The following TBCD variants were observed in gnomAD, a reference collection of about 807,000 sequenced individuals.
TBCD encodes tubulin-specific chaperone D.
TBCD carries 105 observed loss-of-function variants against 169.3 expected under a neutral mutation model. The ratio of observed to expected loss-of-function variants is 0.62; its 90% confidence interval spans 0.53 to 0.73. TBCD has a LOEUF of 0.73. Among genes scored for constraint, TBCD ranks in the 30% least tolerant of loss-of-function variants. The pLI is 0.00. For missense variants in TBCD, 1,444 were observed against 1,600.1 expected (o/e 0.90, Z 1.66); for synonymous variants, 700 against 643.9 (o/e 1.09, Z -1.32).
chr17:82,886,081 G>A (rs1173141338), intron 15 of TBCD: 5 of 152,264 alleles, frequency 3.3e-5, no homozygotes, highest in African/African-American at 4.8e-5. Flanking sequence ...AGCAAAAGGC[G>A]TTGAAGTCCT....
chr17:82,843,716 T>G (rs952222498), intron 13 of TBCD, among the ~76,000 whole-genome samples: 1 of 152,194 alleles, frequency 6.6e-6, no homozygotes. Flanking sequence ...CATATTCTTA[T>G]TAGTTTATGA....
rs145008362 is a variant in TBCD, at chr17:82,930,415, C to T, written c.2992-107C>T. 2,510 of 1,469,034 alleles carry T rather than the reference C, an allele frequency of 1.7e-3. 8 individuals are homozygous for T. Among genetic ancestry groups the T allele is most frequent in the Non-Finnish European group, 2.2e-3 (2,379 of 1,105,218 alleles). 91.0% of individuals were successfully genotyped at this position (1,469,034 alleles called of 1,614,324 possible). ...GGGCCAGACCTTCGCGTCTCTGCAG[C>T]TCGGAGCAGTTCTGCTCTTCAGCAG... is the stretch of plus-strand genomic sequence containing the variant. On this transcript the variant is annotated intron_variant, in intron 32 of 38. Transcript: ENST00000355528. The surrounding 1 kb of genome is among the most constrained non-coding windows in gnomAD (Gnocchi z 5.2).
intron 28 of TBCD, 158 bp from the exon 29 acceptor site, chr17:82,927,028 A>G (rs2061817428): frequency 9.9e-7 from 1 of 1,013,982 alleles, no homozygotes; most frequent in Non-Finnish European, 1.4e-6. Context: ...CCCACGTTCC[A>G]TACATGTGGA....
At chr17:82,775,003 G>A (rs1004338235) in intron 6 of TBCD, among the ~76,000 whole-genome samples, 11 of 152,266 alleles carry the variant, frequency 7.2e-5, no homozygotes, top group Non-Finnish European at 1.5e-4. Flanking sequence ...TGAGGGTTGC[G>A]TAGATTTTTG....
rs550447556 is a variant in TBCD, at chr17:82,831,198, G to A, written c.1318+16264G>A. 2.5e-6 allele frequency: 4 copies of A among 1,614,164 alleles called. 1 individual carries two copies. In the Admixed American group the frequency reaches 6.7e-5, roughly 27 times the overall value. On this transcript the variant is annotated intron_variant, in intron 13 of 38. Coordinates refer to ENST00000355528, the MANE Select transcript of TBCD (RefSeq NM_005993.5). The surrounding 1 kb of genome is among the most constrained non-coding windows in gnomAD (Gnocchi z 4.6). ...CGCAGGTCTGGCTCGTCTGCATGAA[G>A]TCGGTGGGGCTCGGCCTCCCTGGGG... is the stretch of plus-strand genomic sequence containing the variant.
rs757885496 is a variant in TBCD, at chr17:82,874,640, C to G, written c.1475+4260C>G. Among the ~76,000 whole-genome samples the G allele has an allele frequency of 3.1e-4, 47 of 152,298 alleles. No individual in the cohort carries two copies. Among genetic ancestry groups the G allele is most frequent in the Non-Finnish European group, 5.7e-4 (39 of 68,012 alleles). On this transcript the variant is annotated intron_variant, in intron 14 of 38. Coordinates refer to ENST00000355528, the MANE Select transcript of TBCD (RefSeq NM_005993.5). The surrounding 1 kb of genome is among the most constrained non-coding windows in gnomAD (Gnocchi z 5.0). ...CCAACGGGTTCTTAGAGAACCTGGG[C>G]CCCATCCCTCCTTGGCCCACGCAGA... is the stretch of plus-strand genomic sequence containing the variant.
chr17:82,763,081 G>A (rs1480785868), intron 2 of TBCD, among the ~76,000 whole-genome samples: 1 of 152,168 alleles, frequency 6.6e-6, no homozygotes, highest in Non-Finnish European at 1.5e-5. Flanking sequence ...TAAGGTGGGT[G>A]ATAGTGCTGT....
intron 9 of TBCD, among the ~76,000 whole-genome samples, chr17:82,804,693 C>T (rs1428968708): frequency 4.6e-5 from 7 of 152,174 alleles, no homozygotes; most frequent in African/African-American, 9.7e-5. Flanking sequence ...GGCTGAGAGG[C>T]GGGTGGAAAC....
At position 82,915,204 on chromosome 17, in the gene TBCD, C is replaced by T. The variant is rs1054968080; in HGVS notation, c.2038+3415C>T. On this transcript the variant is annotated intron_variant, in intron 23 of 38. Coordinates refer to ENST00000355528, the MANE Select transcript of TBCD (RefSeq NM_005993.5). The surrounding 1 kb of genome is among the most constrained non-coding windows in gnomAD (Gnocchi z 4.3). ...ATGGCGCCCTTACCCCCGAGGACGC[C>T]GGCATGTCGGTGACATGCCGCCCGC... Among the ~76,000 whole-genome samples the T allele has an allele frequency of 1.5e-4, 23 of 152,090 alleles. No individual in the cohort carries two copies. Among genetic ancestry groups the T allele is most frequent in the African/African-American group, 5.1e-4 (21 of 41,410 alleles).
chr17:82,819,948 G>A lies in TBCD; in HGVS notation c.1318+5014G>A, dbSNP rs1433332350. Among the ~76,000 whole-genome samples, 4 of 151,890 alleles carry A rather than the reference G, an allele frequency of 2.6e-5. No homozygotes were observed. The East Asian group carries it at 5.8e-4, about 22-fold the overall frequency. Reference sequence around the variant, plus strand: ...TTTGTTGGATACAAGAAGCACAGGTGGGGGGATGTATTGGTTTAAGTTTAC... The same window carrying A: ...TTTGTTGGATACAAGAAGCACAGGTAGGGGGATGTATTGGTTTAAGTTTAC... On this transcript the variant is annotated intron_variant, in intron 13 of 38. Coordinates refer to ENST00000355528, the MANE Select transcript of TBCD (RefSeq NM_005993.5).
At chr17:82,783,712 C>T (rs143193662) in intron 7 of TBCD, among the ~76,000 whole-genome samples, 2 of 152,294 alleles carry the variant, frequency 1.3e-5, no homozygotes, top group East Asian at 1.9e-4. Context: ...CATAAGCCAA[C>T]GTGTGGGTAT....
chr17:82,827,571 A>G (rs539039289), intron 13 of TBCD, among the ~76,000 whole-genome samples: 1 of 152,330 alleles, frequency 6.6e-6, no homozygotes, highest in African/African-American at 2.4e-5. Flanking sequence ...CCATGTGCAC[A>G]CATGCACGCT....
intron 6 of TBCD, among the ~76,000 whole-genome samples, chr17:82,776,602 G>A (rs1048747820): frequency 6.6e-6 from 1 of 152,140 alleles, no homozygotes; most frequent in African/African-American, 2.4e-5. Context: ...GAATGGCTCC[G>A]TCGTGTTCTG....
chr17:82,931,513 T>G (rs1299051180), intron 33 of TBCD, among the ~76,000 whole-genome samples: 1 of 146,924 alleles, frequency 6.8e-6, no homozygotes, highest in Non-Finnish European at 1.5e-5. Flanking sequence ...GGTCGCTCAT[T>G]CCGCCTTGCC....
In TBCD at chr17:82,862,799, C is replaced by G. The variant is rs2056875467; in HGVS notation, c.1319-7425C>G. ...GCTCAGCTGTGGCAGAAGTCAGTCACCTGTGGAGTTATGGAAGTCCAGGCG... is the reference window on the plus strand; with the variant it reads ...GCTCAGCTGTGGCAGAAGTCAGTCAGCTGTGGAGTTATGGAAGTCCAGGCG... On this transcript the variant is annotated intron_variant, in intron 13 of 38. Transcript: ENST00000355528. 2.0e-5 allele frequency among the ~76,000 whole-genome samples: 3 copies of G among 152,296 alleles called. No individual in the cohort carries two copies. The South Asian group carries it at 6.2e-4, about 32-fold the overall frequency.
intron 37 of TBCD, 68 bp from the exon 38 acceptor site, chr17:82,941,331 G>C (rs1177752235): frequency 2.2e-6 from 3 of 1,376,282 alleles, no homozygotes; most frequent in Non-Finnish European, 3.0e-6. Context: ...GCTTGACGCG[G>C]GACCTCCGCA....
intron 3 of TBCD, 46 bp from the exon 4 acceptor site, chr17:82,766,221 C>T (rs907866074): frequency 2.0e-6 from 3 of 1,518,036 alleles, no homozygotes; most frequent in East Asian, 2.4e-5. Flanking sequence ...TTTTGCTGCT[C>T]TCTGTATTTT....
At chr17:82,926,794 C>A in intron 28 of TBCD, 1 of 527,478 alleles carries the variant, frequency 1.9e-6, no homozygotes, top group Non-Finnish European at 3.4e-6. Context: ...ATGATCTCTG[C>A]ACTCGTTGAC....
chr17:82,889,756 A>C lies in TBCD; in HGVS notation c.1563+59A>C. ...ACTTCCTGCGGGTTTATAGGTAGGA[A>C]TCTTGAGAGCTATAACCCTGGTGTC... is the stretch of plus-strand genomic sequence containing the variant. On this transcript the variant is annotated intron_variant, in intron 16 of 38. Coordinates refer to ENST00000355528, the MANE Select transcript of TBCD (RefSeq NM_005993.5). This position sits in a 1 kb window ranked among gnomAD's most constrained non-coding sequence, Gnocchi z 5.3. 1.3e-6 allele frequency: 2 copies of C among 1,599,650 alleles called. No homozygotes were observed. The highest frequency in any genetic ancestry group is 1.7e-6 in the Non-Finnish European group (2 of 1,169,620).
Sources: allele counts gnomAD v4.1 joint callset (sites outside exome capture counted in the v4.1 genomes callset), GRCh38; gene constraint gnomAD v4.1.1; non-coding constraint Gnocchi (gnomAD v3.1); transcripts MANE v1.5; gene names NCBI Gene and HGNC (gene_info 2026-07-23, HGNC 2026-07-21).